Variants in PPP1R7 observed in about 807,000 individuals in gnomAD.
The protein encoded by PPP1R7 is protein phosphatase 1 regulatory subunit 22.
A neutral mutation model predicts 45.2 loss-of-function variants in PPP1R7; 18 were observed. That is an observed-to-expected ratio of 0.40 (90% CI 0.28 to 0.59). The LOEUF (loss-of-function observed/expected upper bound fraction) is 0.59. Ranked by LOEUF, PPP1R7 falls within the 20% of genes least tolerant of loss-of-function variation. PPP1R7 has a pLI of 0.46. For synonymous variants in PPP1R7, 181 were observed against 183.4 expected, an observed-to-expected ratio of 0.99 and a Z score of 0.11; for missense variants, 314 against 455.8, an observed-to-expected ratio of 0.69 and a Z score of 2.83.
At chr2:241,158,384 C>A in intron 3 of PPP1R7, 100 bp from the exon 4 acceptor site, 1 of 1,096,220 alleles carries the variant, frequency 9.1e-7, no homozygotes, top group Non-Finnish European at 1.4e-6. Flanking sequence ...CCTGGCACTG[C>A]CTCCCCCACT....
At position 241,177,097 on chromosome 2, in the gene PPP1R7, G is replaced by A. The variant is rs2007990; in HGVS notation, c.907-5550G>A. Among the ~76,000 whole-genome samples the A allele has an allele frequency of 0.043, 6,557 of 152,230 alleles. 725 individuals are homozygous for A. The East Asian group carries it at 0.47, about 11-fold the overall frequency. On this transcript the variant is annotated intron_variant, in intron 9 of 9. Transcript: ENST00000234038. ...AATACAAAAATGAGCCAGGCGTGGC[G>A]GCATGCACCTATAGTCTCAGCTACT...
intron 9 of PPP1R7, among the ~76,000 whole-genome samples, chr2:241,180,219 A>G (rs2067976358): frequency 6.6e-6 from 1 of 152,158 alleles, no homozygotes; most frequent in African/African-American, 2.4e-5. Flanking sequence ...TACTTCTTCC[A>G]AACAGTGTGA....
Position 241,182,835 on chromosome 2 carries a change from C to A in PPP1R7, c.*12C>A, listed in dbSNP as rs1406589016. ...TCGTCAGGTTCTGAGTCCTTCTTGG[C>A]TCCTCATGTGGTCCCTCTCCTCGGA... is the stretch of plus-strand genomic sequence containing the variant. On this transcript the variant is annotated 3_prime_UTR_variant, in exon 10 of 10. Transcript: ENST00000234038. 2 of 1,604,066 alleles carry A rather than the reference C, an allele frequency of 1.2e-6. No homozygotes were observed. The highest frequency in any genetic ancestry group is 2.7e-5 in the African/African-American group (2 of 74,418).
intron 6 of PPP1R7, among the ~76,000 whole-genome samples, chr2:241,162,959 G>A (rs780664934): frequency 1.3e-5 from 2 of 152,098 alleles, no homozygotes; most frequent in Non-Finnish European, 2.9e-5. Flanking sequence ...GGATTTCCAC[G>A]CCCGACAGGG....
At chr2:241,172,655 AAAAG>A (rs1460608517) in intron 9 of PPP1R7, among the ~76,000 whole-genome samples, 12 of 152,142 alleles carry the variant, frequency 7.9e-5, no homozygotes, top group African/African-American at 2.4e-4. Context: ...AAAAAAAAAA[AAAAG>A]AAATTTAAAA....
At chr2:241,155,315 C>G (rs1338215030) in intron 2 of PPP1R7, 2 of 152,220 alleles carry the variant, frequency 1.3e-5, no homozygotes, top group African/African-American at 4.8e-5. Flanking sequence ...ATGAGACTCT[C>G]TGCAGCTTGT....
chr2:241,168,885 TAGA>T (rs1386958529), intron 8 of PPP1R7, among the ~76,000 whole-genome samples: 2 of 152,170 alleles, frequency 1.3e-5, no homozygotes, highest in Admixed American at 6.5e-5. Flanking sequence ...CCTTAAAACT[TAGA>T]AGGCTTTGGA....
chr2:241,155,994 T>C (rs1365768790), intron 2 of PPP1R7, among the ~76,000 whole-genome samples: 1 of 152,130 alleles, frequency 6.6e-6, no homozygotes, highest in Non-Finnish European at 1.5e-5. Context: ...CCACAGTTGA[T>C]GGTTATAGAA....
At chr2:241,176,568 C>T (rs1011124159) in intron 9 of PPP1R7, among the ~76,000 whole-genome samples, 1 of 151,978 alleles carries the variant, frequency 6.6e-6, no homozygotes, top group African/African-American at 2.4e-5. Context: ...AGTGATTCTC[C>T]TGCCTCAGCC....
At chr2:241,180,917 G>A (rs2067992521) in intron 9 of PPP1R7, among the ~76,000 whole-genome samples, 1 of 152,194 alleles carries the variant, frequency 6.6e-6, no homozygotes, top group Non-Finnish European at 1.5e-5. Context: ...GGGTCCCTCA[G>A]GCCAGGCGCA....
At chr2:241,157,723 C>A in intron 2 of PPP1R7, 84 bp from the exon 3 acceptor site, 1 of 1,384,270 alleles carries the variant, frequency 7.2e-7, no homozygotes, top group Non-Finnish European at 1.0e-6. Flanking sequence ...ACCAAACAGC[C>A]CCAGACCTCA....
At chr2:241,153,954 G>A (rs1442570143) in intron 2 of PPP1R7, among the ~76,000 whole-genome samples, 1 of 152,068 alleles carries the variant, frequency 6.6e-6, no homozygotes, top group East Asian at 1.9e-4. Context: ...GGCCAAGGCG[G>A]GTGGATCACG....
intron 8 of PPP1R7, chr2:241,166,997 C>T (rs1420635205): frequency 6.4e-7 from 1 of 1,564,396 alleles, no homozygotes; most frequent in Non-Finnish European, 8.8e-7. Flanking sequence ...CCACACCTGT[C>T]CTCACCTGTT....
At chr2:241,160,638 ATTT>A (rs937576397) in intron 6 of PPP1R7, 144 bp downstream of exon 6, 1 of 816,558 alleles carries the variant, frequency 1.2e-6, no homozygotes, top group Non-Finnish European at 1.8e-6. Context: ...GGAAATTACT[ATTT>A]TTTTAAGAAA....
rs748719075 is a variant in PPP1R7, at chr2:241,157,797, A to G, written c.182-10A>G. 1.2e-6 allele frequency: 2 copies of G among 1,612,310 alleles called. No individual in the cohort carries two copies. The highest frequency in any genetic ancestry group is 1.7e-6 in the Non-Finnish European group (2 of 1,178,568). Reference sequence around the variant, plus strand: ...GGTTCTGAACAAATCTCTTTTTCTTATTTTTTCAGAAGAACATGAGCTGCC... The same window carrying G: ...GGTTCTGAACAAATCTCTTTTTCTTGTTTTTTCAGAAGAACATGAGCTGCC... On this transcript the variant is annotated splice_polypyrimidine_tract_variant and intron_variant, in intron 2 of 9. Coordinates refer to ENST00000234038, the MANE Select transcript of PPP1R7 (RefSeq NM_002712.3).
chr2:241,176,588 G>T (rs1432384653), intron 9 of PPP1R7, among the ~76,000 whole-genome samples: 2 of 151,912 alleles, frequency 1.3e-5, no homozygotes, highest in African/African-American at 2.4e-5. Context: ...CTCCCAAGTA[G>T]TTGGGATTAC....
At chr2:241,172,916 A>T (rs982611942) in intron 9 of PPP1R7, among the ~76,000 whole-genome samples, 2 of 151,846 alleles carry the variant, frequency 1.3e-5, no homozygotes, top group African/African-American at 4.8e-5. Context: ...AAGTACATTA[A>T]ATACTTTGTT....
chr2:241,167,119 C>T, intron 8 of PPP1R7: 1 of 1,563,264 alleles, frequency 6.4e-7, no homozygotes, highest in Non-Finnish European at 8.8e-7. Context: ...CTCCAGCTCA[C>T]CCTGCTCTGC....
In PPP1R7 at chr2:241,183,167, G is replaced by A. The variant is rs16843426; in HGVS notation, c.*344G>A. On this transcript the variant is annotated 3_prime_UTR_variant, in exon 10 of 10. Coordinates refer to ENST00000234038, the MANE Select transcript of PPP1R7 (RefSeq NM_002712.3). ...GTCGTGTGAAACACAGGGCCTGAGA[G>A]TGCTTTACAGGCATTCACGTGCTGT... 35,212 of 392,346 alleles carry A rather than the reference G, an allele frequency of 0.09. 5,162 individuals are homozygous for A. The highest frequency in any genetic ancestry group is 0.46 in the East Asian group (7,528 of 16,402). The allele number at this position is 392,346 out of a possible 1,614,324, so 24.3% of individuals were successfully genotyped here. A position where few individuals can be genotyped will look rare whatever the true frequency, so the allele number is the denominator to read the frequency against.
Sources: allele counts gnomAD v4.1 joint callset (sites outside exome capture counted in the v4.1 genomes callset), GRCh38; gene constraint gnomAD v4.1.1; transcripts MANE v1.5; gene names NCBI Gene and HGNC (gene_info 2026-07-23, HGNC 2026-07-21).